Variants in CADPS observed in about 807,000 individuals in gnomAD.
CADPS encodes calcium dependent secretion activator, also known as calcium-dependent secretion activator 1.
Under a neutral mutation model 167.3 loss-of-function variants are expected in CADPS, and 57 were observed. That is an observed-to-expected ratio of 0.34 (90% CI 0.28 to 0.42). The LOEUF is 0.42. Ranked by LOEUF, CADPS falls within the 20% of genes least tolerant of loss-of-function variation. The pLI, the probability that CADPS is intolerant of heterozygous loss-of-function variation, is 1.00. For synonymous variants in CADPS, 676 were observed against 635.3 expected (o/e 1.06, Z -0.96); for missense variants, 1,414 against 1,738.1 (o/e 0.81, Z 3.32).
chr3:62,436,028 C>A (rs1049183494), intron 28 of CADPS, among the ~76,000 whole-genome samples: 2 of 152,068 alleles, frequency 1.3e-5, no homozygotes, highest in East Asian at 1.9e-4. Flanking sequence ...CTTCAACAGT[C>A]AGGCAAGTCC....
intron 3 of CADPS, among the ~76,000 whole-genome samples, chr3:62,699,881 A>G (rs1353158964): frequency 6.6e-6 from 1 of 152,074 alleles, no homozygotes; most frequent in Non-Finnish European, 1.5e-5. Flanking sequence ...TTGTATCGGA[A>G]CACAGACACA....
chr3:62,788,416 C>G (rs1232417810), intron 1 of CADPS, among the ~76,000 whole-genome samples: 1 of 152,082 alleles, frequency 6.6e-6, no homozygotes, highest in Non-Finnish European at 1.5e-5. Context: ...ACCACGAAGT[C>G]GGTGACCCAT....
chr3:62,481,970 C>G (rs1561010087), intron 21 of CADPS, 101 bp from the exon 22 acceptor site: 5 of 1,183,888 alleles, frequency 4.2e-6, no homozygotes, highest in Non-Finnish European at 6.1e-6. Context: ...AAGTCCACAG[C>G]AAGACAACAG....
At chr3:62,797,297 G>A (rs2175717) in intron 1 of CADPS, among the ~76,000 whole-genome samples, 4 of 151,988 alleles carry the variant, frequency 2.6e-5, no homozygotes, top group African/African-American at 9.7e-5. Context: ...GTCCTGTGAC[G>A]GTGTTTGGTT....
At chr3:62,414,617 G>A (rs538565033) in intron 28 of CADPS, among the ~76,000 whole-genome samples, 1 of 152,316 alleles carries the variant, frequency 6.6e-6, no homozygotes, top group African/African-American at 2.4e-5. Flanking sequence ...CCCAACCAAT[G>A]TCTTCTGTTG....
chr3:62,847,261 C>CT (rs202175985), intron 1 of CADPS, among the ~76,000 whole-genome samples: 3,605 of 132,960 alleles, frequency 0.027, 61 homozygotes, highest in African/African-American at 0.036. Context: ...GCAGCATTTT[C>CT]TTTTTTTTTT....
chr3:62,496,479 C>T (rs143141436), intron 18 of CADPS, among the ~76,000 whole-genome samples: 183 of 152,280 alleles, frequency 1.2e-3, no homozygotes, highest in Non-Finnish European at 2.5e-3. Context: ...TTGGTACTTT[C>T]CACACAGGTT....
intron 8 of CADPS, among the ~76,000 whole-genome samples, chr3:62,582,809 C>G (rs2083700782): frequency 6.6e-6 from 1 of 152,196 alleles, no homozygotes; most frequent in Non-Finnish European, 1.5e-5. Flanking sequence ...CTTCTGTCAT[C>G]TGTAGGGTCA....
chr3:62,630,992 A>T (rs2065161884), intron 6 of CADPS, among the ~76,000 whole-genome samples: 1 of 152,092 alleles, frequency 6.6e-6, no homozygotes, highest in Non-Finnish European at 1.5e-5. Context: ...CATTTTAAAT[A>T]TGGGTCAAAT....
chr3:62,647,148 C>T (rs868584692), intron 5 of CADPS, among the ~76,000 whole-genome samples: 8 of 152,164 alleles, frequency 5.3e-5, no homozygotes, highest in Middle Eastern at 6.8e-3. Context: ...ACAATTAGTC[C>T]TTATACATGA....
chr3:62,709,547 C>A (rs4688323), intron 3 of CADPS, among the ~76,000 whole-genome samples: 1 of 152,084 alleles, frequency 6.6e-6, no homozygotes, highest in Non-Finnish European at 1.5e-5. Flanking sequence ...CAACTCCTAC[C>A]TTCAGTAGCT....
chr3:62,797,087 T>C lies in CADPS; in HGVS notation c.442-31103A>G, dbSNP rs150579288. On this transcript the variant is annotated intron_variant, in intron 1 of 29. Coordinates refer to ENST00000383710, the MANE Select transcript of CADPS (RefSeq NM_003716.4). ...CATTGAGACAGTCTGGAGAAATTAATGCACAGAGTTAACCTGTATTATCCA... is the reference window on the plus strand; with the variant it reads ...CATTGAGACAGTCTGGAGAAATTAACGCACAGAGTTAACCTGTATTATCCA... Among the ~76,000 whole-genome samples the C allele has an allele frequency of 9.6e-3, 1,462 of 152,312 alleles. 7 individuals are homozygous for C. The highest frequency in any genetic ancestry group is 0.017 in the Non-Finnish European group (1,164 of 68,014).
At chr3:62,583,727 C>G (rs139806533) in intron 8 of CADPS, among the ~76,000 whole-genome samples, 1 of 152,122 alleles carries the variant, frequency 6.6e-6, no homozygotes, top group East Asian at 2.0e-4. Flanking sequence ...CATACCTGAA[C>G]CTCTCTGGTG....
At chr3:62,560,733 C>A (rs1451207534) in intron 9 of CADPS, among the ~76,000 whole-genome samples, 1 of 152,152 alleles carries the variant, frequency 6.6e-6, no homozygotes, top group Non-Finnish European at 1.5e-5. Flanking sequence ...ATCCTTAGCT[C>A]ATTTCCAGTC....
intron 1 of CADPS, among the ~76,000 whole-genome samples, chr3:62,870,552 C>T (rs2082447442): frequency 6.6e-6 from 1 of 152,114 alleles, no homozygotes; most frequent in South Asian, 2.1e-4. Flanking sequence ...CAAGCTGAAT[C>T]ATACAGAAAT....
intron 10 of CADPS, among the ~76,000 whole-genome samples, chr3:62,551,937 G>C (rs1175774064): frequency 6.6e-6 from 1 of 151,654 alleles, no homozygotes; most frequent in Non-Finnish European, 1.5e-5. Flanking sequence ...TTTCTTTTTT[G>C]CTCCTATTAC....
intron 26 of CADPS, among the ~76,000 whole-genome samples, chr3:62,460,776 G>A (rs2059243992): frequency 6.6e-6 from 1 of 152,088 alleles, no homozygotes; most frequent in Non-Finnish European, 1.5e-5. Flanking sequence ...TCAAAATGCT[G>A]GCAAAAGGAA....
At chr3:62,655,169 T>C (rs1217524452) in intron 4 of CADPS, among the ~76,000 whole-genome samples, 1 of 152,210 alleles carries the variant, frequency 6.6e-6, no homozygotes, top group Non-Finnish European at 1.5e-5. Flanking sequence ...AGGACATTTT[T>C]CTGGTGCAAG....
At chr3:62,693,491 TGCAGTGGCTCACATCTGTAATCCCA>T (rs1364250965) in intron 3 of CADPS, among the ~76,000 whole-genome samples, 4 of 152,026 alleles carry the variant, frequency 2.6e-5, no homozygotes, top group Admixed American at 6.6e-5. Flanking sequence ...TTTTGCCAGG[TGCAGTGGCTCACATCTGTAATCCCA>T]GCAGTGGCTC....
Sources: gnomAD v4.1 joint callset for allele counts (sites outside exome capture counted in the v4.1 genomes callset) on GRCh38, gnomAD v4.1.1 for gene constraint, MANE v1.5 for transcripts, NCBI Gene and HGNC (gene_info 2026-07-23, HGNC 2026-07-21) for gene names.